TMED3: variants seen among roughly 807,000 people sequenced by gnomAD.
TMED3 encodes the protein transmembrane p24 trafficking protein 3.
Under a neutral mutation model 15.0 loss-of-function variants are expected in TMED3, and 9 were observed. The observed-to-expected ratio is 0.60, with a 90% CI of 0.36 to 1.04. The LOEUF (loss-of-function observed/expected upper bound fraction) is 1.04. TMED3 is among the 50% of genes least tolerant of loss of function. The pLI, the probability that TMED3 is intolerant of heterozygous loss-of-function variation, is 0.01. For missense variants in TMED3, 267 were observed against 278.9 expected (o/e 0.96, Z 0.30); for synonymous variants, 117 against 121.4 (o/e 0.96, Z 0.24).
chr15:79,317,165 A>C (rs2058744077), intron 2 of TMED3, among the ~76,000 whole-genome samples: 1 of 152,070 alleles, frequency 6.6e-6, no homozygotes, highest in Non-Finnish European at 1.5e-5. Flanking sequence ...GCTATCACTG[A>C]TCTGATCTGA....
At chr15:79,346,721 C>T (rs1311048728) in intron 2 of TMED3, among the ~76,000 whole-genome samples, 1 of 152,156 alleles carries the variant, frequency 6.6e-6, no homozygotes, top group Non-Finnish European at 1.5e-5. Flanking sequence ...GGTCCAGTTT[C>T]AATCTCCTGC....
chr15:79,322,076 A>G lies in TMED3; in HGVS notation c.516A>G (p.Ala172=), dbSNP rs906439. The change falls in exon 3 of 3, where the codon GCA becomes GCG. Residue 172 remains alanine, a synonymous_variant. Transcript: ENST00000299705. Reference sequence around the variant, plus strand: ...GGGAGGCCCAGGACCGGGCCCGAGCAGAAGACCTTAATAGCCGAGTCTCTT... The same window carrying G: ...GGGAGGCCCAGGACCGGGCCCGAGCGGAAGACCTTAATAGCCGAGTCTCTT... ...RLREAQDRAR[A]EDLNSRVSYW... 1 allele frequency: 1,607,846 copies of G among 1,614,210 alleles called. 800,967 individuals carry two copies. The highest frequency in any genetic ancestry group is 1 in the East Asian group (44,865 of 44,866).
At chr15:79,394,439 T>C (rs894540341) in intron 2 of TMED3, among the ~76,000 whole-genome samples, 6 of 152,144 alleles carry the variant, frequency 3.9e-5, no homozygotes, top group African/African-American at 1.4e-4. Flanking sequence ...CAAGGTTTCC[T>C]AAAAAATACA....
chr15:79,357,640 TG>T (rs2058924766), intron 2 of TMED3, among the ~76,000 whole-genome samples: 1 of 151,924 alleles, frequency 6.6e-6, no homozygotes, highest in Non-Finnish European at 1.5e-5. Context: ...ACTGCCGTGC[TG>T]GGGGCATTTG....
rs766414500 is a variant in TMED3, at chr15:79,322,155, C to CAG, written c.595_596insAG (p.Leu199GlnfsTer4). 6 of 1,614,212 alleles carry CAG rather than the reference C, an allele frequency of 3.7e-6. No homozygotes were observed. Among genetic ancestry groups the CAG allele is most frequent in the Non-Finnish European group, 5.1e-6 (6 of 1,180,040 alleles). The stretch of plus-strand genomic sequence containing the variant: ...GTTCGTGGTCAGCTTCAGTCAGGTG[C>CAG]TACTGTTGAAAAGCTTCTTCACAGA... On this transcript the variant is annotated frameshift_variant, in exon 3 of 3. Transcript: ENST00000299705. LOFTEE classifies it high-confidence loss of function.
At chr15:79,397,874 TAC>T (rs751873739) in intron 2 of TMED3, among the ~76,000 whole-genome samples, 5 of 152,126 alleles carry the variant, frequency 3.3e-5, no homozygotes, top group African/African-American at 4.8e-5. Context: ...GAATGAAAAA[TAC>T]AGTTTCCATA....
chr15:79,396,533 C>T (rs1893765107), intron 2 of TMED3, among the ~76,000 whole-genome samples: 1 of 152,208 alleles, frequency 6.6e-6, no homozygotes, highest in African/African-American at 2.4e-5. Context: ...GCATGGTAAT[C>T]TCAGGGTAGT....
chr15:79,399,990 C>T (rs1287344918), intron 2 of TMED3, among the ~76,000 whole-genome samples: 1 of 152,184 alleles, frequency 6.6e-6, no homozygotes, highest in African/African-American at 2.4e-5. Flanking sequence ...AATTGCTGTC[C>T]ACAACCCCTG....
intron 2 of TMED3, among the ~76,000 whole-genome samples, chr15:79,343,551 C>T (rs952707123): frequency 2.0e-5 from 3 of 152,164 alleles, no homozygotes; most frequent in Non-Finnish European, 4.4e-5. Flanking sequence ...TATTACAAAT[C>T]GGGCTTCTAT....
chr15:79,328,656 G>C (rs1488598516), intron 2 of TMED3, among the ~76,000 whole-genome samples: 1 of 152,150 alleles, frequency 6.6e-6, no homozygotes, highest in Non-Finnish European at 1.5e-5. Flanking sequence ...GTCACCTTCA[G>C]GTAGTGACCT....
intron 2 of TMED3, among the ~76,000 whole-genome samples, chr15:79,316,755 G>A (rs995085663): frequency 3.3e-5 from 5 of 152,214 alleles, no homozygotes; most frequent in Non-Finnish European, 5.9e-5. Flanking sequence ...AGCCAGGACT[G>A]GTGGTCTTAG....
chr15:79,393,073 A>G (rs556863098), intron 2 of TMED3, among the ~76,000 whole-genome samples: 1 of 152,152 alleles, frequency 6.6e-6, no homozygotes, highest in Non-Finnish European at 1.5e-5. Context: ...TTTTCACCCA[A>G]GGTTTTAGTT....
chr15:79,348,610 AGAGGTGC>A (rs2058879897), intron 2 of TMED3, among the ~76,000 whole-genome samples: 1 of 152,248 alleles, frequency 6.6e-6, no homozygotes, highest in African/African-American at 2.4e-5. Flanking sequence ...GTGAAAAACA[AGAGGTGC>A]ATACCATAAT....
intron 2 of TMED3, among the ~76,000 whole-genome samples, chr15:79,357,321 A>G (rs1212440668): frequency 1.3e-5 from 2 of 149,268 alleles, no homozygotes; most frequent in Admixed American, 6.8e-5. Flanking sequence ...TCCCATTTCT[A>G]CAGAAAAAAA....
intron 2 of TMED3, among the ~76,000 whole-genome samples, chr15:79,395,222 C>G (rs10438295): frequency 6.6e-6 from 1 of 152,054 alleles, no homozygotes; most frequent in Non-Finnish European, 1.5e-5. Flanking sequence ...TCTTGTTGCC[C>G]AGGCTGGAGT....
At chr15:79,340,343 A>G (rs2058847091) in intron 2 of TMED3, among the ~76,000 whole-genome samples, 1 of 152,216 alleles carries the variant, frequency 6.6e-6, no homozygotes, top group Admixed American at 6.5e-5. Context: ...TTTCGGGGCC[A>G]GTCAACATAT....
At chr15:79,347,816 A>C (rs1264352618) in intron 2 of TMED3, among the ~76,000 whole-genome samples, 1 of 152,204 alleles carries the variant, frequency 6.6e-6, no homozygotes, top group African/African-American at 2.4e-5. Context: ...CTAGGAATAC[A>C]GCTAGCCAGG....
intron 2 of TMED3, among the ~76,000 whole-genome samples, chr15:79,361,459 G>T (rs560278103): frequency 6.6e-6 from 1 of 152,280 alleles, no homozygotes; most frequent in South Asian, 2.1e-4. Context: ...GGTAACTCAG[G>T]AATGGAAAAC....
At chr15:79,382,517 T>A (rs1271672957) in intron 2 of TMED3, among the ~76,000 whole-genome samples, 1 of 151,988 alleles carries the variant, frequency 6.6e-6, no homozygotes, top group Non-Finnish European at 1.5e-5. Flanking sequence ...AAGGGAGAGG[T>A]CATTCTTCCA....
Sources: gnomAD v4.1 joint callset for allele counts (sites outside exome capture counted in the v4.1 genomes callset) on GRCh38, gnomAD v4.1.1 for gene constraint, MANE v1.5 for transcripts, NCBI Gene and HGNC (gene_info 2026-07-23, HGNC 2026-07-21) for gene names.